WDR35: variants seen among roughly 807,000 people sequenced by gnomAD.
WDR35 encodes the protein WD repeat domain 35.
Under a neutral mutation model 158.3 loss-of-function variants are expected in WDR35, and 118 were observed. The observed-to-expected ratio is 0.75, with a 90% CI of 0.64 to 0.87. WDR35 has a LOEUF of 0.87. WDR35 is among the 40% of genes least tolerant of loss of function. The pLI, the probability that WDR35 is intolerant of heterozygous loss-of-function variation, is 0.00. For synonymous variants in WDR35, 448 were observed against 476.1 expected (o/e 0.94, Z 0.77); for missense variants, 1,263 against 1,405.8 (o/e 0.90, Z 1.62).
At position 19,932,339 on chromosome 2, in the gene WDR35, T is replaced by C. The variant is rs773442323; in HGVS notation, c.2767A>G (p.Ile923Val). 1.2e-6 allele frequency: 2 copies of C among 1,613,362 alleles called. No individual in the cohort carries two copies. The highest frequency in any genetic ancestry group is 1.1e-5 in the South Asian group (1 of 91,070). ...LLEKNKTLDA[I>V]ELYRKANYFF... ...TAATTGGCTTTCCGATAGAGTTCTA[T>C]GGCATCAAGAGTTTTATTCTTTTCC... The change falls in exon 23 of 27, where the codon ATA (isoleucine) becomes GTA (valine). Residue 923 changes from isoleucine (I) to valine (V), a missense_variant. By Grantham distance (29) the Ile-to-Val change is conservative (BLOSUM62 3). Transcript: ENST00000281405.
Position 19,931,322 on chromosome 2 carries a change from G to C in WDR35, c.2911C>G (p.His971Asp). The C allele has an allele frequency of 1.9e-6, 3 of 1,612,644 alleles. No individual in the cohort carries two copies. The highest frequency in any genetic ancestry group is 2.5e-6 in the Non-Finnish European group (3 of 1,179,566). ...CGCTGGGCATTCTTCATCTGTTCAT[G>C]GTATTGCTCTATAAGTAAGGCTGAC... ...VLSALLIEQY[H>D]EQMKNAQRGK... is the part of the protein sequence containing the mutation. The change falls in exon 24 of 27, where the codon CAT becomes GAT. Residue 971 changes from histidine (H) to aspartate (D), a missense_variant. By Grantham distance (81) the His-to-Asp change is moderately conservative. Transcript: ENST00000281405.
Position 19,924,023 on chromosome 2 carries a change from G to A in WDR35, c.3121+6373C>T, listed in dbSNP as rs114314167. 7.8e-3 allele frequency among the ~76,000 whole-genome samples: 1,188 copies of A among 152,232 alleles called. 8 individuals are homozygous for A. Among genetic ancestry groups the A allele is most frequent in the Non-Finnish European group, 0.013 (910 of 68,026 alleles). ...CATGAAGCTTCCATTCAGGCTGCTT[G>A]CAACGCCCAGGCCCAGCCTCAAATT... is the stretch of plus-strand genomic sequence containing the variant. On this transcript the variant is annotated intron_variant, in intron 25 of 26. Coordinates refer to ENST00000281405, the MANE Select transcript of WDR35 (RefSeq NM_020779.4).
At chr2:19,964,653 T>C (rs572317059) in intron 10 of WDR35, among the ~76,000 whole-genome samples, 17 of 152,018 alleles carry the variant, frequency 1.1e-4, no homozygotes, top group South Asian at 1.0e-3. Context: ...CAAAGTGGCC[T>C]GTTCACTCTT....
chr2:19,942,746 A>T (rs1331529710), intron 16 of WDR35, among the ~76,000 whole-genome samples: 1 of 152,174 alleles, frequency 6.6e-6, no homozygotes, highest in African/African-American at 2.4e-5. Context: ...TTCAGATTTT[A>T]AAAATTCAAC....
intron 12 of WDR35, 76 bp downstream of exon 12, chr2:19,953,758 G>A: frequency 1.3e-6 from 2 of 1,589,234 alleles, no homozygotes; most frequent in Non-Finnish European, 1.7e-6. Context: ...TATCAAGCAT[G>A]ACAATTTACA....
rs10195169 is a variant in WDR35 at position 19,951,072 on chromosome 2, C to T, written c.1470+343G>A. Among the ~76,000 whole-genome samples the T allele has an allele frequency of 3.9e-3, 597 of 152,258 alleles. 4 individuals are homozygous for T. The highest frequency in any genetic ancestry group is 0.014 in the African/African-American group (568 of 41,554). ...TGCAAAATATATGCACTCACTAATA[C>T]GCCAGGGATGACAGACCAATCCATG... On this transcript the variant is annotated intron_variant, in intron 13 of 26. Transcript: ENST00000281405.
chr2:19,932,318 T>C lies in WDR35; in HGVS notation c.2788A>G (p.Asn930Asp). The change falls in exon 23 of 27, where the codon AAT (asparagine) becomes GAT (aspartate). Residue 930 changes from asparagine (N) to aspartate (D), a missense_variant. Coordinates refer to ENST00000281405, the MANE Select transcript of WDR35 (RefSeq NM_020779.4). Reference sequence around the variant, plus strand: ...AGTTTAGCTGCATCAAAAAAGTAATTGGCTTTCCGATAGAGTTCTATGGCA... The same window carrying C: ...AGTTTAGCTGCATCAAAAAAGTAATCGGCTTTCCGATAGAGTTCTATGGCA... Reference protein sequence around the residue: ...LDAIELYRKANYFFDAAKLMF... With the variant: ...LDAIELYRKADYFFDAAKLMF... The C allele has an allele frequency of 8.7e-6, 14 of 1,613,340 alleles. No individual in the cohort carries two copies. The highest frequency in any genetic ancestry group is 1.2e-5 in the Non-Finnish European group (14 of 1,179,528).
intron 25 of WDR35, among the ~76,000 whole-genome samples, chr2:19,919,790 C>G (rs1464995253): frequency 1.3e-5 from 2 of 152,072 alleles, no homozygotes; most frequent in African/African-American, 4.8e-5. Context: ...ATCAATGAAT[C>G]CAGGAACTGG....
chr2:19,964,298 A>AT (rs902472704), intron 10 of WDR35, among the ~76,000 whole-genome samples: 2 of 145,460 alleles, frequency 1.4e-5, no homozygotes, highest in Admixed American at 6.8e-5. Flanking sequence ...ATTTTCTTGA[A>AT]TTTTTTTTTC....
At chr2:19,979,908 C>T in intron 4 of WDR35, among the ~76,000 whole-genome samples, 1 of 152,124 alleles carries the variant, frequency 6.6e-6, no homozygotes, top group Non-Finnish European at 1.5e-5. Flanking sequence ...CAAAACAGCA[C>T]ACATGAACTA....
At chr2:19,970,703 C>T (rs895241150) in intron 8 of WDR35, among the ~76,000 whole-genome samples, 14 of 152,184 alleles carry the variant, frequency 9.2e-5, no homozygotes, top group African/African-American at 3.1e-4. Context: ...TGTGCCTGCT[C>T]GTGAAGGAAC....
intron 8 of WDR35, 85 bp downstream of exon 8, chr2:19,973,478 C>T: frequency 6.4e-7 from 1 of 1,561,784 alleles, no homozygotes; most frequent in East Asian, 2.2e-5. Context: ...GATAAGTTTA[C>T]ACCGTTTCCT....
At chr2:19,971,083 C>G (rs532505169) in intron 8 of WDR35, among the ~76,000 whole-genome samples, 1 of 151,976 alleles carries the variant, frequency 6.6e-6, no homozygotes, top group Non-Finnish European at 1.5e-5. Context: ...ACCAAATTAA[C>G]GAGTGAATAA....
intron 10 of WDR35, among the ~76,000 whole-genome samples, chr2:19,961,370 T>C (rs746451718): frequency 4.6e-5 from 7 of 152,198 alleles, no homozygotes; most frequent in South Asian, 2.1e-4. Context: ...GCAGAAACAA[T>C]AGTCAACACT....
chr2:19,951,637 TAATG>T (rs559243998), intron 12 of WDR35, 153 bp from the exon 13 acceptor site: 11 of 584,198 alleles, frequency 1.9e-5, no homozygotes, highest in Admixed American at 1.0e-4. Context: ...AGTTAAATCT[TAATG>T]AAGATAAAAA....
At chr2:19,946,019 A>C (rs771237788) in intron 15 of WDR35, 23 bp from the exon 16 acceptor site, 2 of 1,608,822 alleles carry the variant, frequency 1.2e-6, no homozygotes, top group African/African-American at 2.7e-5. Flanking sequence ...CAATTAGAGA[A>C]AAGGAAAAAA....
At chr2:19,971,606 T>C (rs1321267468) in intron 8 of WDR35, among the ~76,000 whole-genome samples, 1 of 152,194 alleles carries the variant, frequency 6.6e-6, no homozygotes, top group Non-Finnish European at 1.5e-5. Context: ...AAGACAAATG[T>C]ATTGAGCTCC....
chr2:19,925,400 A>C (rs1353672232), intron 25 of WDR35, among the ~76,000 whole-genome samples: 1 of 152,224 alleles, frequency 6.6e-6, no homozygotes, highest in Non-Finnish European at 1.5e-5. Context: ...TGGAAGCACA[A>C]ATAAACAAGG....
intron 19 of WDR35, 151 bp downstream of exon 19, chr2:19,937,592 C>T: frequency 1.0e-6 from 1 of 980,064 alleles, no homozygotes; most frequent in Non-Finnish European, 1.5e-6. Flanking sequence ...GAATGAGAGG[C>T]ATGTAGAATA....
Sources: gnomAD v4.1 joint callset for allele counts (sites outside exome capture counted in the v4.1 genomes callset) on GRCh38, gnomAD v4.1.1 for gene constraint, MANE v1.5 for transcripts, NCBI Gene and HGNC (gene_info 2026-07-23, HGNC 2026-07-21) for gene names.